DTD1: variants seen among roughly 807,000 people sequenced by gnomAD.
DTD1 encodes D-tyrosyl-tRNA deacylase 1 homolog.
Under a neutral mutation model 25.6 loss-of-function variants are expected in DTD1, and 13 were observed. The ratio of observed to expected loss-of-function variants is 0.51; its 90% CI spans 0.33 to 0.81. DTD1 has a LOEUF of 0.81. Among genes scored for constraint, DTD1 ranks in the 30% least tolerant of loss-of-function variants. The probability of loss-of-function intolerance (pLI) is 0.02; values close to 1 mark genes in which losing one functional copy is unlikely to be tolerated. For missense variants in DTD1, 193 were observed against 266.4 expected (o/e 0.72, Z 1.92); for synonymous variants, 110 against 103.6 (o/e 1.06, Z -0.37).
At chr20:18,702,457 G>C in intron 4 of DTD1, among the ~76,000 whole-genome samples, 1 of 152,290 alleles carries the variant, frequency 6.6e-6, no homozygotes, top group Middle Eastern at 3.4e-3. Flanking sequence ...ATTTAGCAAG[G>C]GCTATAGAAT....
intron 4 of DTD1, among the ~76,000 whole-genome samples, chr20:18,731,898 A>G (rs1222688453): frequency 6.6e-6 from 1 of 151,952 alleles, no homozygotes; most frequent in African/African-American, 2.4e-5. Flanking sequence ...ATGTACTTCT[A>G]TTTACTCCTC....
chr20:18,675,036 T>C (rs2060964923), intron 4 of DTD1: 1 of 152,204 alleles, frequency 6.6e-6, no homozygotes, highest in Non-Finnish European at 1.5e-5. Context: ...TGGCCAGGGG[T>C]GTCTCATGAG....
At position 18,744,206 on chromosome 20, in the gene DTD1, C is replaced by G; in HGVS notation, c.584C>G (p.Ala195Gly). 2 of 1,612,278 alleles carry G rather than the reference C, an allele frequency of 1.2e-6. No homozygotes were observed. Among genetic ancestry groups the G allele is most frequent in the Non-Finnish European group, 1.7e-6 (2 of 1,180,032 alleles). ...ACTCCCCGAAAAGAAGACCGCAGTG[C>G]CAGCAGCGGGGCTGAGGGCGACGTG... is the stretch of plus-strand genomic sequence containing the variant. ...RNTPRKEDRS[A>G]SSGAEGDVSS... Residue 195 changes from alanine (A) to glycine (G), a missense_variant, in exon 5 of 6, where the codon GCC (alanine) becomes GGC (glycine). Physicochemically the swap from Ala to Gly is moderately conservative, Grantham distance 60. Transcript: ENST00000377452.
intron 4 of DTD1, among the ~76,000 whole-genome samples, chr20:18,735,724 A>G (rs911564643): frequency 1.3e-5 from 2 of 152,140 alleles, no homozygotes; most frequent in Non-Finnish European, 2.9e-5. Context: ...ATAAGTCTTG[A>G]GTTGAGTTGA....
chr20:18,631,695 C>T, intron 4 of DTD1: 2 of 985,400 alleles, frequency 2.0e-6, no homozygotes, highest in Non-Finnish European at 2.4e-6. Flanking sequence ...GCCTTGTTTC[C>T]CAGGACGTCA....
chr20:18,708,286 TATATATATATAA>T (rs2061141215), intron 4 of DTD1, among the ~76,000 whole-genome samples: 1 of 21,118 alleles, frequency 4.7e-5, no homozygotes, highest in Non-Finnish European at 9.9e-5. Flanking sequence ...TAATATATAT[TATATATATATAA>T]TATATATATT....
intron 3 of DTD1, among the ~76,000 whole-genome samples, chr20:18,607,171 G>A (rs1023878690): frequency 2.0e-5 from 3 of 152,036 alleles, no homozygotes; most frequent in African/African-American, 7.2e-5. Context: ...GAGGATTTTT[G>A]TGTCTGTATT....
At chr20:18,745,750 A>G (rs2061297561) in intron 5 of DTD1, among the ~76,000 whole-genome samples, 1 of 152,186 alleles carries the variant, frequency 6.6e-6, no homozygotes, top group African/African-American at 2.4e-5. Flanking sequence ...CTCTGAACTT[A>G]GAGAAATAGG....
At chr20:18,703,221 A>G (rs1228581990) in intron 4 of DTD1, among the ~76,000 whole-genome samples, 3 of 152,186 alleles carry the variant, frequency 2.0e-5, no homozygotes, top group Non-Finnish European at 2.9e-5. Flanking sequence ...TCTGAAGGCC[A>G]TGGTTCTGCT....
In DTD1 at chr20:18,588,209, C is replaced by T. The variant is rs2054921879; in HGVS notation, c.43+94C>T. ...GGGTCTTCCTGCGCCATCCTTGGGG[C>T]CGCTGCGGCCCCTCCGCGAGCCTGG... On this transcript the variant is annotated intron_variant, in intron 1 of 5. Transcript: ENST00000377452. 9.9e-6 allele frequency: 11 copies of T among 1,116,268 alleles called. No homozygotes were observed. The South Asian group carries it at 4.4e-4, about 45-fold the overall frequency. The allele number at this position is 1,116,268 out of a possible 1,614,324, so 69.1% of individuals were successfully genotyped here.
Position 18,665,904 on chromosome 20 carries a change from C to T in DTD1, c.477+37671C>T, listed in dbSNP as rs184458317. Among the ~76,000 whole-genome samples the T allele has an allele frequency of 1.1e-3, 163 of 152,180 alleles. 1 individual carries two copies. Among genetic ancestry groups the T allele is most frequent in the African/African-American group, 3.5e-3 (146 of 41,514 alleles). On this transcript the variant is annotated intron_variant, in intron 4 of 5. Coordinates refer to ENST00000377452, the MANE Select transcript of DTD1 (RefSeq NM_080820.6). ...TGTTGCTGAGAGTATAGAGAGTACC[C>T]ATATACCTCATCCAGCTGCCCCCAC...
At chr20:18,708,541 A>C (rs2061145396) in intron 4 of DTD1, among the ~76,000 whole-genome samples, 1 of 149,550 alleles carries the variant, frequency 6.7e-6, no homozygotes. Context: ...TATTTAGTAG[A>C]GATGGGGTTT....
rs905605039 is a variant in DTD1, at chr20:18,663,355, TA to T, written c.477+35134del. Among the ~76,000 whole-genome samples the T allele has an allele frequency of 2.2e-3, 315 of 144,532 alleles. 1 individual carries two copies. Among genetic ancestry groups the T allele is most frequent in the African/African-American group, 3.7e-3 (144 of 39,162 alleles). The allele number at this position is 144,532 out of a possible 152,430, so 94.8% of individuals were successfully genotyped here. Reference sequence around the variant, plus strand: ...GCAACATGGCGAGACTCTGTATCTATAAAAAAAAAAAATATACAAAGTTTCC... The same window carrying T: ...GCAACATGGCGAGACTCTGTATCTATAAAAAAAAAAATATACAAAGTTTCC... On this transcript the variant is annotated intron_variant, in intron 4 of 5. Coordinates refer to ENST00000377452, the MANE Select transcript of DTD1 (RefSeq NM_080820.6).
intron 4 of DTD1, among the ~76,000 whole-genome samples, chr20:18,706,472 A>C (rs2061126889): frequency 6.6e-6 from 1 of 152,220 alleles, no homozygotes; most frequent in African/African-American, 2.4e-5. Context: ...ATCTCCAGTA[A>C]ACAGGTAACC....
At chr20:18,596,271 G>T in intron 3 of DTD1, 30 bp downstream of exon 3, 1 of 1,579,546 alleles carries the variant, frequency 6.3e-7, no homozygotes, top group Non-Finnish European at 8.7e-7. Flanking sequence ...CCAGGAACGG[G>T]TCTTTGGGAC....
At chr20:18,678,183 C>T (rs981236278) in intron 4 of DTD1, among the ~76,000 whole-genome samples, 5 of 152,192 alleles carry the variant, frequency 3.3e-5, no homozygotes, top group Non-Finnish European at 7.3e-5. Flanking sequence ...TGTACTGGAG[C>T]GACCTGATGT....
intron 4 of DTD1, among the ~76,000 whole-genome samples, chr20:18,720,050 G>A (rs1568681035): frequency 6.6e-6 from 1 of 152,208 alleles, no homozygotes; most frequent in Non-Finnish European, 1.5e-5. Context: ...GGTATAAAAG[G>A]AGAACTGTTT....
intron 4 of DTD1, among the ~76,000 whole-genome samples, chr20:18,721,248 G>A (rs563970640): frequency 1.3e-5 from 2 of 151,826 alleles, no homozygotes; most frequent in Non-Finnish European, 2.9e-5. Context: ...GTTTGAGCAC[G>A]TTTTTTTTCT....
In DTD1 at chr20:18,763,433, G is replaced by C. The variant is rs1419439958; in HGVS notation, c.*93G>C. Reference sequence around the variant, plus strand: ...GCACCTACACTACTTTAAGAATTTGGAACTGAAACATGAAGAGGAAGACAG... The same window carrying C: ...GCACCTACACTACTTTAAGAATTTGCAACTGAAACATGAAGAGGAAGACAG... On this transcript the variant is annotated 3_prime_UTR_variant, in exon 6 of 6. Coordinates refer to ENST00000377452, the MANE Select transcript of DTD1 (RefSeq NM_080820.6). 6.6e-6 allele frequency: 1 copy of C among 152,646 alleles called. No homozygotes were observed. The highest frequency in any genetic ancestry group is 2.4e-5 in the African/African-American group (1 of 41,450). 9.5% of individuals were successfully genotyped at this position (152,646 alleles called of 1,614,324 possible).
Sources: gnomAD v4.1 joint callset for allele counts (sites outside exome capture counted in the v4.1 genomes callset) on GRCh38, gnomAD v4.1.1 for gene constraint, MANE v1.5 for transcripts, NCBI Gene and HGNC (gene_info 2026-07-23, HGNC 2026-07-21) for gene names.